Variants in CNTN5 observed in about 807,000 individuals in gnomAD.
CNTN5 encodes the protein contactin-5.
Under a neutral mutation model 129.1 loss-of-function variants are expected in CNTN5, and 77 were observed. The observed-to-expected ratio is 0.60, with a 90% CI of 0.50 to 0.72. CNTN5 has a LOEUF of 0.72. CNTN5 is among the 30% of genes least tolerant of loss of function. CNTN5 has a pLI of 0.00. For missense variants in CNTN5, 1,478 were observed against 1,328.8 expected (o/e 1.11, Z -1.75); for synonymous variants, 509 against 465.6 (o/e 1.09, Z -1.20).
At chr11:99,842,835 C>A (rs1490300966) in intron 4 of CNTN5, among the ~76,000 whole-genome samples, 1 of 151,978 alleles carries the variant, frequency 6.6e-6, no homozygotes, top group African/African-American at 2.4e-5. Flanking sequence ...ATTTATTTTT[C>A]TTTTCCTTAT....
intron 3 of CNTN5, among the ~76,000 whole-genome samples, chr11:99,686,091 C>CTG (rs200140219): frequency 6.6e-6 from 1 of 151,050 alleles, no homozygotes; most frequent in African/African-American, 2.5e-5. Context: ...TTCATTCCAC[C>CTG]TGTGTATATA....
intron 14 of CNTN5, among the ~76,000 whole-genome samples, chr11:100,192,887 G>C (rs1254933825): frequency 1.3e-5 from 2 of 151,854 alleles, no homozygotes; most frequent in Non-Finnish European, 2.9e-5. Flanking sequence ...CTACAATACA[G>C]CAAAGGTACA....
rs572404274 is a variant in CNTN5, at chr11:99,540,891, A to T, written c.-70-15254A>T. Among the ~76,000 whole-genome samples, 118 of 152,316 alleles carry T rather than the reference A, an allele frequency of 7.7e-4. 1 individual carries two copies. The highest frequency in any genetic ancestry group is 2.8e-3 in the African/African-American group (117 of 41,576). On this transcript the variant is annotated intron_variant, in intron 2 of 24. Coordinates refer to ENST00000524871, the MANE Select transcript of CNTN5 (RefSeq NM_014361.4). ...CGAAGGCAAATTATAACGAATTTAG[A>T]AGTATCTTGATAAACATCCAAAGCA...
intron 1 of CNTN5, among the ~76,000 whole-genome samples, chr11:99,028,275 T>G (rs919779966): frequency 5.3e-5 from 8 of 151,862 alleles, no homozygotes; most frequent in Non-Finnish European, 5.9e-5. Flanking sequence ...AGTAATTTAA[T>G]GCAATTTCAA....
chr11:99,521,948 A>G (rs940038931), intron 2 of CNTN5, among the ~76,000 whole-genome samples: 62 of 152,218 alleles, frequency 4.1e-4, no homozygotes, highest in African/African-American at 1.5e-3. Context: ...TTACCTTTGC[A>G]GTAAGTTTCC....
intron 3 of CNTN5, among the ~76,000 whole-genome samples, chr11:99,651,580 ATATTT>A (rs1236437259): frequency 6.6e-6 from 1 of 152,006 alleles, no homozygotes; most frequent in Non-Finnish European, 1.5e-5. Flanking sequence ...AAATTGTAAA[ATATTT>A]TGTTTTATTT....
At chr11:99,620,801 T>A (rs1464686606) in intron 3 of CNTN5, among the ~76,000 whole-genome samples, 1 of 152,142 alleles carries the variant, frequency 6.6e-6, no homozygotes, top group Non-Finnish European at 1.5e-5. Context: ...AGCAGGTTCC[T>A]GAGACTGTGA....
At chr11:99,419,560 C>A (rs141481990) in intron 2 of CNTN5, among the ~76,000 whole-genome samples, 1 of 152,034 alleles carries the variant, frequency 6.6e-6, no homozygotes, top group Non-Finnish European at 1.5e-5. Context: ...AAAAACAGAG[C>A]CTGACAGCAA....
chr11:100,244,679 G>A (rs1391107623), intron 16 of CNTN5, among the ~76,000 whole-genome samples: 1 of 152,098 alleles, frequency 6.6e-6, no homozygotes, highest in African/African-American at 2.4e-5. Flanking sequence ...TGTGGTCATA[G>A]GAATATATTG....
intron 18 of CNTN5, among the ~76,000 whole-genome samples, chr11:100,276,302 C>T (rs760476217): frequency 2.0e-5 from 3 of 151,918 alleles, no homozygotes; most frequent in Non-Finnish European, 2.9e-5. Context: ...CACTTTGGGA[C>T]GCTGAAGCAT....
At chr11:100,324,976 G>T (rs1433470290) in intron 21 of CNTN5, among the ~76,000 whole-genome samples, 1 of 152,068 alleles carries the variant, frequency 6.6e-6, no homozygotes, top group Non-Finnish European at 1.5e-5. Context: ...CTGACTGCCA[G>T]CATATCTCAA....
At chr11:99,319,831 A>C (rs1447269235) in intron 1 of CNTN5, among the ~76,000 whole-genome samples, 1 of 152,220 alleles carries the variant, frequency 6.6e-6, no homozygotes, top group East Asian at 1.9e-4. Context: ...TCAATGGTGA[A>C]TGCAGAAAAG....
At position 99,341,394 on chromosome 11, in the gene CNTN5, C is replaced by A. The variant is rs377193724; in HGVS notation, c.-71+15910C>A. On this transcript the variant is annotated intron_variant, in intron 2 of 24. Coordinates refer to ENST00000524871, the MANE Select transcript of CNTN5 (RefSeq NM_014361.4). The stretch of plus-strand genomic sequence containing the variant: ...TCATTTTATATTATTTCAATAATTT[C>A]ATAGTATGCCTTTTTGAAGCATTAA... Among the ~76,000 whole-genome samples the A allele has an allele frequency of 4.6e-5, 7 of 152,124 alleles. No individual in the cohort carries two copies. The East Asian group carries it at 7.7e-4, about 17-fold the overall frequency.
At chr11:99,083,962 A>T (rs1038664657) in intron 1 of CNTN5, among the ~76,000 whole-genome samples, 2 of 152,152 alleles carry the variant, frequency 1.3e-5, no homozygotes, top group East Asian at 3.9e-4. Flanking sequence ...AGTTTATCAC[A>T]TTACTTAACT....
intron 2 of CNTN5, among the ~76,000 whole-genome samples, chr11:99,374,721 C>G (rs1442829352): frequency 6.6e-6 from 1 of 151,972 alleles, no homozygotes; most frequent in Non-Finnish European, 1.5e-5. Flanking sequence ...TAATATGGAA[C>G]TTAATGTCTG....
intron 3 of CNTN5, among the ~76,000 whole-genome samples, chr11:99,634,562 TTCTG>T (rs1951480755): frequency 6.6e-6 from 1 of 152,170 alleles, no homozygotes; most frequent in African/African-American, 2.4e-5. Flanking sequence ...TAGTACTTGA[TTCTG>T]TCTATTTAAA....
intron 2 of CNTN5, among the ~76,000 whole-genome samples, chr11:99,484,424 T>C (rs935136046): frequency 3.9e-5 from 6 of 152,120 alleles, no homozygotes; most frequent in South Asian, 4.1e-4. Context: ...TCATACACTG[T>C]TGATGGGAAT....
chr11:99,212,411 C>T (rs563909552), intron 1 of CNTN5, among the ~76,000 whole-genome samples: 98 of 152,226 alleles, frequency 6.4e-4, no homozygotes, highest in Middle Eastern at 3.4e-3. Flanking sequence ...TCTTATAAGT[C>T]TTTTGACTAT....
chr11:99,219,780 G>A (rs546382614), intron 1 of CNTN5, among the ~76,000 whole-genome samples: 130 of 152,004 alleles, frequency 8.6e-4, no homozygotes, highest in African/African-American at 3.1e-3. Context: ...AGAGGGTATG[G>A]GGAAAGGATA....
Sources: gnomAD v4.1 joint callset for allele counts (sites outside exome capture counted in the v4.1 genomes callset) on GRCh38, gnomAD v4.1.1 for gene constraint, MANE v1.5 for transcripts, NCBI Gene and HGNC (gene_info 2026-07-23, HGNC 2026-07-21) for gene names.